The following STX8 variants were observed in gnomAD, a reference collection of about 807,000 sequenced individuals.
STX8 encodes syntaxin-8.
STX8 carries 23 observed loss-of-function variants against 37.5 expected under a neutral mutation model. The ratio of observed to expected loss-of-function variants is 0.61; its 90% CI spans 0.44 to 0.87. The LOEUF (loss-of-function observed/expected upper bound fraction) is 0.87. STX8 is among the 40% of genes least tolerant of loss of function. The pLI, the probability that STX8 is intolerant of heterozygous loss-of-function variation, is 0.00. For missense variants in STX8, 313 were observed against 284.7 expected, an observed-to-expected ratio of 1.10 and a Z score of -0.71; for synonymous variants, 115 against 99.1, an observed-to-expected ratio of 1.16 and a Z score of -0.95.
At chr17:9,508,079 T>C (rs1008635686) in intron 4 of STX8, among the ~76,000 whole-genome samples, 3 of 151,904 alleles carry the variant, frequency 2.0e-5, no homozygotes, top group African/African-American at 7.3e-5. Flanking sequence ...TAGACCCCAA[T>C]GATAGAGAAA....
chr17:9,466,192 C>G (rs1905605636), intron 6 of STX8, among the ~76,000 whole-genome samples: 1 of 152,154 alleles, frequency 6.6e-6, no homozygotes, highest in Non-Finnish European at 1.5e-5. Flanking sequence ...AGGATGGTCT[C>G]GATCTCCTGA....
At chr17:9,280,822 T>C (rs919210743) in intron 7 of STX8, among the ~76,000 whole-genome samples, 4 of 152,176 alleles carry the variant, frequency 2.6e-5, no homozygotes, top group African/African-American at 9.7e-5. Flanking sequence ...CTAGGACTAT[T>C]CTCAATCTGC....
chr17:9,355,249 T>C (rs1910837193), intron 7 of STX8, among the ~76,000 whole-genome samples: 1 of 152,178 alleles, frequency 6.6e-6, no homozygotes, highest in Non-Finnish European at 1.5e-5. Flanking sequence ...TGTTTTCTCA[T>C]TGTGGCATTC....
intron 7 of STX8, among the ~76,000 whole-genome samples, chr17:9,328,445 G>A (rs1025290373): frequency 2.6e-5 from 4 of 152,084 alleles, no homozygotes; most frequent in East Asian, 1.9e-4. Flanking sequence ...ATCGTTTTCC[G>A]AGCCCCAACA....
intron 6 of STX8, among the ~76,000 whole-genome samples, chr17:9,490,929 T>G (rs1906827468): frequency 6.6e-6 from 1 of 152,198 alleles, no homozygotes. Flanking sequence ...CATGATGTTG[T>G]GTGGAGATGA....
intron 3 of STX8, among the ~76,000 whole-genome samples, chr17:9,548,033 C>T (rs1906617047): frequency 6.6e-6 from 1 of 151,586 alleles, no homozygotes; most frequent in Non-Finnish European, 1.5e-5. Context: ...TCTAAAGTGA[C>T]CCTCCTGCCT....
intron 7 of STX8, among the ~76,000 whole-genome samples, chr17:9,321,027 C>A (rs141032282): frequency 1.3e-5 from 2 of 149,342 alleles, no homozygotes; most frequent in Non-Finnish European, 3.0e-5. Flanking sequence ...GGCAGAGAGA[C>A]GAGAGAAGAG....
chr17:9,334,637 A>T (rs1410343642), intron 7 of STX8, among the ~76,000 whole-genome samples: 1 of 152,134 alleles, frequency 6.6e-6, no homozygotes, highest in Non-Finnish European at 1.5e-5. Context: ...AAAAAAGACA[A>T]TACATGTTTG....
chr17:9,516,767 T>C (rs1905171442), intron 4 of STX8, among the ~76,000 whole-genome samples: 1 of 152,160 alleles, frequency 6.6e-6, no homozygotes, highest in Non-Finnish European at 1.5e-5. Context: ...TATAATCAAA[T>C]TGAAATGAGA....
At chr17:9,318,955 C>T (rs1202597116) in intron 7 of STX8, among the ~76,000 whole-genome samples, 1 of 152,038 alleles carries the variant, frequency 6.6e-6, no homozygotes, top group Non-Finnish European at 1.5e-5. Context: ...CGGATTGGAG[C>T]AGAAGATAGC....
At chr17:9,252,041 A>G (rs929401649) in intron 7 of STX8, among the ~76,000 whole-genome samples, 1 of 151,858 alleles carries the variant, frequency 6.6e-6, no homozygotes, top group Non-Finnish European at 1.5e-5. Context: ...ACGGTGCCTC[A>G]TGCCTGTAAT....
intron 6 of STX8, among the ~76,000 whole-genome samples, chr17:9,432,937 C>G (rs186762653): frequency 6.6e-6 from 1 of 152,190 alleles, no homozygotes; most frequent in Non-Finnish European, 1.5e-5. Flanking sequence ...GAACATTTTC[C>G]TCCATGGAAT....
At chr17:9,250,890 C>G (rs752508928) in intron 7 of STX8, among the ~76,000 whole-genome samples, 4 of 152,052 alleles carry the variant, frequency 2.6e-5, no homozygotes, top group Non-Finnish European at 5.9e-5. Flanking sequence ...AGCACTCAAG[C>G]CAGGAGGGGG....
intron 5 of STX8, among the ~76,000 whole-genome samples, chr17:9,494,912 C>A (rs1904331449): frequency 6.6e-6 from 1 of 152,046 alleles, no homozygotes. Context: ...CTCTTGTTCA[C>A]CACGGAACAC....
At chr17:9,432,531 G>C (rs1223583632) in intron 6 of STX8, among the ~76,000 whole-genome samples, 1 of 152,034 alleles carries the variant, frequency 6.6e-6, no homozygotes, top group Non-Finnish European at 1.5e-5. Flanking sequence ...GTCACACATA[G>C]GCCACACTAA....
At position 9,341,625 on chromosome 17, in the gene STX8, C is replaced by T. The variant is rs181951557; in HGVS notation, c.643+36927G>A. On this transcript the variant is annotated intron_variant, in intron 7 of 7. Coordinates refer to ENST00000306357, the MANE Select transcript of STX8 (RefSeq NM_004853.3). ...CTAATTTTTGTATTTTTAGTAGAGA[C>T]GGGGTTTCACCATGTAGGCCAGGCT... 5.7e-3 allele frequency among the ~76,000 whole-genome samples: 864 copies of T among 152,076 alleles called. 8 individuals are homozygous for T. The highest frequency in any genetic ancestry group is 0.017 in the Middle Eastern group (5 of 294).
At chr17:9,315,010 G>A (rs1909332269) in intron 7 of STX8, among the ~76,000 whole-genome samples, 1 of 151,170 alleles carries the variant, frequency 6.6e-6, no homozygotes, top group Non-Finnish European at 1.5e-5. Flanking sequence ...GCTGAGGCAG[G>A]AGAATCGCTT....
chr17:9,509,754 A>T (rs1203052704), intron 4 of STX8, among the ~76,000 whole-genome samples: 2 of 145,150 alleles, frequency 1.4e-5, no homozygotes, highest in East Asian at 3.9e-4. Flanking sequence ...TAAAATGACA[A>T]GATAAGTCCT....
chr17:9,419,928 T>C (rs1210384393), intron 6 of STX8, among the ~76,000 whole-genome samples: 5 of 152,220 alleles, frequency 3.3e-5, no homozygotes, highest in Non-Finnish European at 5.9e-5. Flanking sequence ...TTTCAGTAAT[T>C]GTGTAAAAGT....
Sources: gnomAD v4.1 joint callset for allele counts (sites outside exome capture counted in the v4.1 genomes callset) on GRCh38, gnomAD v4.1.1 for gene constraint, MANE v1.5 for transcripts, NCBI Gene and HGNC (gene_info 2026-07-23, HGNC 2026-07-21) for gene names.